Variants in CIAO2A observed in about 807,000 individuals in gnomAD.
The protein encoded by CIAO2A is cytosolic iron-sulfur assembly component 2A.
In CIAO2A, 17 loss-of-function variants were observed where a neutral mutation model predicts 22.4. The observed-to-expected ratio is 0.76, with a 90% CI of 0.52 to 1.14. The LOEUF is 1.14. Ranked by LOEUF, CIAO2A falls within the 50% of genes most tolerant of loss-of-function variation. CIAO2A has a pLI of 0.00. For missense variants in CIAO2A, 192 were observed against 191.4 expected, an observed-to-expected ratio of 1.00 and a Z score of -0.02; for synonymous variants, 74 against 72.3, an observed-to-expected ratio of 1.02 and a Z score of -0.12.
intron 3 of CIAO2A, among the ~76,000 whole-genome samples, chr15:64,078,639 CAAAAAAAAA>C (rs56266808): frequency 7.7e-6 from 1 of 129,152 alleles, no homozygotes; most frequent in Non-Finnish European, 1.6e-5. Flanking sequence ...CCATCGCAAA[CAAAAAAAAA>C]AAAAAAAGAA....
At chr15:64,082,217 C>T (rs915918311) in intron 2 of CIAO2A, among the ~76,000 whole-genome samples, 1 of 152,020 alleles carries the variant, frequency 6.6e-6, no homozygotes, top group Non-Finnish European at 1.5e-5. Flanking sequence ...GTGCCTGCCA[C>T]AGGGTCTTTA....
rs1317984960 is a variant in CIAO2A at position 64,088,614 on chromosome 15, T to C, written c.289+73A>G. ...GGTTTTTCAACAATGATGCAAATTG[T>C]TATTATGGGTCAATATCAGCAAGAA... On this transcript the variant is annotated intron_variant, in intron 2 of 4. Transcript: ENST00000300030. 21 of 1,224,774 alleles carry C rather than the reference T, an allele frequency of 1.7e-5. 1 individual carries two copies. The highest frequency in any genetic ancestry group is 2.4e-5 in the Non-Finnish European group (21 of 893,350). 75.9% of individuals were successfully genotyped at this position (1,224,774 alleles called of 1,614,324 possible).
At chr15:64,082,404 T>C (rs754269265) in intron 2 of CIAO2A, among the ~76,000 whole-genome samples, 1 of 152,068 alleles carries the variant, frequency 6.6e-6, no homozygotes, top group Non-Finnish European at 1.5e-5. Context: ...ATTTTTGTAT[T>C]TTTAGTAGAG....
intron 1 of CIAO2A, among the ~76,000 whole-genome samples, chr15:64,091,590 CAG>C (rs897708858): frequency 1.2e-4 from 19 of 152,024 alleles, no homozygotes; most frequent in Admixed American, 1.2e-3. Context: ...CTTAGGGAAA[CAG>C]AGTTTTCTGA....
rs1239846097 is a variant in CIAO2A at position 64,093,797 on chromosome 15, T to C, written c.-29A>G. ...CACGCTCAGCCATCCCTGGCGACTGTCCCAATCGCGCCACCGTCTCTCAGC... is the reference window on the plus strand; with the variant it reads ...CACGCTCAGCCATCCCTGGCGACTGCCCCAATCGCGCCACCGTCTCTCAGC... On this transcript the variant is annotated 5_prime_UTR_variant, in exon 1 of 5. Coordinates refer to ENST00000300030, the MANE Select transcript of CIAO2A (RefSeq NM_032231.7). 2 of 1,601,624 alleles carry C rather than the reference T, an allele frequency of 1.2e-6. No individual in the cohort carries two copies. The highest frequency in any genetic ancestry group is 8.5e-7 in the Non-Finnish European group (1 of 1,170,814).
intron 4 of CIAO2A, among the ~76,000 whole-genome samples, chr15:64,073,296 A>G (rs926100176): frequency 3.9e-5 from 6 of 152,326 alleles, no homozygotes; most frequent in Admixed American, 3.3e-4. Context: ...TTCAGAGTAA[A>G]TATAATTTTG....
At chr15:64,092,789 T>C (rs1442589771) in intron 1 of CIAO2A, among the ~76,000 whole-genome samples, 2 of 152,240 alleles carry the variant, frequency 1.3e-5, no homozygotes, top group African/African-American at 2.4e-5. Context: ...ATTTGTATTC[T>C]ATGGTTAGAT....
At chr15:64,089,828 C>A (rs984143278) in intron 1 of CIAO2A, among the ~76,000 whole-genome samples, 3 of 152,092 alleles carry the variant, frequency 2.0e-5, no homozygotes, top group Non-Finnish European at 4.4e-5. Flanking sequence ...AGAAACAGAA[C>A]GAGGAAGAAA....
intron 3 of CIAO2A, 87 bp from the exon 4 acceptor site, chr15:64,075,624 A>G (rs185774252): frequency 2.6e-6 from 2 of 769,326 alleles, no homozygotes; most frequent in Non-Finnish European, 4.1e-6. Flanking sequence ...AAATTCAAAC[A>G]TCTAGGGATG....
chr15:64,089,003 G>A (rs1451432471), intron 1 of CIAO2A, 152 bp from the exon 2 acceptor site: 1 of 655,774 alleles, frequency 1.5e-6, no homozygotes, highest in Non-Finnish European at 2.5e-6. Context: ...TTTCACTACT[G>A]GTTTCCTCTT....
intron 2 of CIAO2A, among the ~76,000 whole-genome samples, chr15:64,086,497 G>C (rs974780199): frequency 6.6e-6 from 1 of 152,004 alleles, no homozygotes. Context: ...AATATTTTAA[G>C]ACACCCCCTC....
At chr15:64,090,849 T>G (rs78252328) in intron 1 of CIAO2A, among the ~76,000 whole-genome samples, 89 of 152,086 alleles carry the variant, frequency 5.9e-4, no homozygotes, top group African/African-American at 2.0e-3. Context: ...AGGAGAGAAA[T>G]TGAAAATATA....
chr15:64,088,903 T>C (rs978573240), intron 1 of CIAO2A, 52 bp from the exon 2 acceptor site: 1 of 1,538,710 alleles, frequency 6.5e-7, no homozygotes, highest in Non-Finnish European at 8.8e-7. Context: ...CTATTCTAAA[T>C]AAAGATGATT....
intron 1 of CIAO2A, among the ~76,000 whole-genome samples, chr15:64,092,620 G>C (rs2080849314): frequency 6.6e-6 from 1 of 152,180 alleles, no homozygotes; most frequent in Admixed American, 6.6e-5. Context: ...ACAGGGATGT[G>C]GTCTGCTTTG....
At chr15:64,093,085 C>T (rs578093672) in intron 1 of CIAO2A, among the ~76,000 whole-genome samples, 4 of 152,124 alleles carry the variant, frequency 2.6e-5, no homozygotes, top group African/African-American at 9.6e-5. Context: ...TGTGTGTGTG[C>T]GTTATGTGTG....
chr15:64,077,688 A>G (rs1218184195), intron 3 of CIAO2A, among the ~76,000 whole-genome samples: 3 of 152,238 alleles, frequency 2.0e-5, no homozygotes, highest in Non-Finnish European at 4.4e-5. Flanking sequence ...ACATTCTTCA[A>G]AAATATCAAG....
At chr15:64,087,382 C>T (rs781558834) in intron 2 of CIAO2A, among the ~76,000 whole-genome samples, 47 of 152,114 alleles carry the variant, frequency 3.1e-4, no homozygotes, top group Admixed American at 2.3e-3. Flanking sequence ...TAAGCCACCG[C>T]GCCCGGCCTA....
At chr15:64,075,957 C>T (rs1296770700) in intron 3 of CIAO2A, among the ~76,000 whole-genome samples, 1 of 151,724 alleles carries the variant, frequency 6.6e-6, no homozygotes, top group African/African-American at 2.4e-5. Context: ...CTGCGCCCAG[C>T]GCCCCCCAAA....
At chr15:64,085,740 G>A (rs913624858) in intron 2 of CIAO2A, among the ~76,000 whole-genome samples, 1 of 151,486 alleles carries the variant, frequency 6.6e-6, no homozygotes, top group Non-Finnish European at 1.5e-5. Context: ...ACGGAGTCTC[G>A]CACTGTAGCC....
Sources: gnomAD v4.1 joint callset for allele counts (sites outside exome capture counted in the v4.1 genomes callset) on GRCh38, gnomAD v4.1.1 for gene constraint, MANE v1.5 for transcripts, NCBI Gene and HGNC (gene_info 2026-07-23, HGNC 2026-07-21) for gene names.